Variants in FIP1L1 observed in about 807,000 individuals in gnomAD.
FIP1L1 encodes the protein factor interacting with PAPOLA and CPSF1.
A neutral mutation model predicts 84.6 loss-of-function variants in FIP1L1; 21 were observed. The ratio of observed to expected loss-of-function variants is 0.25; its 90% CI spans 0.18 to 0.36. The LOEUF is 0.36. FIP1L1 is among the 10% of genes least tolerant of loss of function. The probability of loss-of-function intolerance (pLI) is 1.00; values close to 1 mark genes in which losing one functional copy is unlikely to be tolerated. For synonymous variants in FIP1L1, 263 were observed against 242.3 expected (o/e 1.09, Z -0.80); for missense variants, 526 against 751.1 (o/e 0.70, Z 3.50).
chr4:53,434,401 G>T (rs1213589672), intron 13 of FIP1L1, among the ~76,000 whole-genome samples: 1 of 151,784 alleles, frequency 6.6e-6, no homozygotes, highest in Non-Finnish European at 1.5e-5. Context: ...GTGATATCAC[G>T]AGTTATGTGG....
chr4:53,378,028 G>C (rs941703175), intron 1 of FIP1L1, 105 bp downstream of exon 1: 1 of 1,038,398 alleles, frequency 9.6e-7, no homozygotes, highest in African/African-American at 1.7e-5. Flanking sequence ...TCGGGCCTCT[G>C]GTTGGGAGTC....
intron 13 of FIP1L1, among the ~76,000 whole-genome samples, chr4:53,430,578 C>G (rs1766205448): frequency 6.6e-6 from 1 of 152,008 alleles, no homozygotes; most frequent in Non-Finnish European, 1.5e-5. Context: ...CTCAAGCAAT[C>G]TGCCCTCCTC....
chr4:53,419,191 C>T (rs567054773), intron 11 of FIP1L1, among the ~76,000 whole-genome samples: 24 of 152,048 alleles, frequency 1.6e-4, no homozygotes, highest in Non-Finnish European at 2.6e-4. Flanking sequence ...CACTTATGTC[C>T]TCCAGTGAGT....
chr4:53,447,924 T>G (rs1032245435), intron 15 of FIP1L1, among the ~76,000 whole-genome samples: 1 of 152,084 alleles, frequency 6.6e-6, no homozygotes, highest in Non-Finnish European at 1.5e-5. Flanking sequence ...TTTCTACTGG[T>G]GGCATTGTGT....
intron 13 of FIP1L1, among the ~76,000 whole-genome samples, chr4:53,430,062 A>C (rs1333794550): frequency 6.6e-6 from 1 of 152,142 alleles, no homozygotes; most frequent in Non-Finnish European, 1.5e-5. Context: ...TATTTCACTT[A>C]GCACAGTGTC....
intron 9 of FIP1L1, among the ~76,000 whole-genome samples, chr4:53,398,770 C>CA (rs1748734148): frequency 6.6e-6 from 1 of 152,218 alleles, no homozygotes; most frequent in Middle Eastern, 3.4e-3. Context: ...GACTGGGCTA[C>CA]AATCAAAGGA....
intron 11 of FIP1L1, among the ~76,000 whole-genome samples, chr4:53,415,486 G>A (rs954740283): frequency 6.6e-6 from 1 of 150,466 alleles, no homozygotes; most frequent in African/African-American, 2.4e-5. Context: ...TATCATTTGA[G>A]GTTTTAAATA....
chr4:53,381,428 G>A lies in FIP1L1; in HGVS notation c.171-850G>A, dbSNP rs570518622. Among the ~76,000 whole-genome samples, 6 of 152,262 alleles carry A rather than the reference G, an allele frequency of 3.9e-5. No homozygotes were observed. In the South Asian group the frequency reaches 6.2e-4, roughly 16 times the overall value. ...TAAAGAAGGGATACTGTTTTGTGAC[G>A]TAGAAAGCAAATGGGACTTGCTTCT... On this transcript the variant is annotated intron_variant, in intron 3 of 17. Transcript: ENST00000337488.
intron 10 of FIP1L1, among the ~76,000 whole-genome samples, chr4:53,413,415 G>GT (rs1366789904): frequency 2.6e-5 from 4 of 151,938 alleles, no homozygotes; most frequent in African/African-American, 9.7e-5. Context: ...TTCCATGTGT[G>GT]TTTTTTAAAA....
intron 15 of FIP1L1, among the ~76,000 whole-genome samples, chr4:53,446,406 A>G (rs973987801): frequency 6.6e-6 from 1 of 152,110 alleles, no homozygotes; most frequent in African/African-American, 2.4e-5. Flanking sequence ...ATTTTTTATA[A>G]TTATCACCCT....
At chr4:53,428,711 A>C (rs183387524) in intron 13 of FIP1L1, among the ~76,000 whole-genome samples, 6 of 152,238 alleles carry the variant, frequency 3.9e-5, no homozygotes, top group Admixed American at 3.9e-4. Context: ...ATTACAATTA[A>C]AAACCAGGTT....
intron 13 of FIP1L1, among the ~76,000 whole-genome samples, chr4:53,434,427 C>T (rs1288419360): frequency 1.3e-5 from 2 of 151,462 alleles, no homozygotes; most frequent in Non-Finnish European, 2.9e-5. Flanking sequence ...GGAAACTACA[C>T]TGTAAGAGAA....
chr4:53,399,662 A>G, intron 9 of FIP1L1, 68 bp from the exon 10 acceptor site: 1 of 947,156 alleles, frequency 1.1e-6, no homozygotes, highest in Non-Finnish European at 1.7e-6. Context: ...ACTTATTTTA[A>G]CATCTAAAGT....
chr4:53,446,223 G>C (rs1390503080), intron 15 of FIP1L1, among the ~76,000 whole-genome samples: 1 of 151,178 alleles, frequency 6.6e-6, no homozygotes. Flanking sequence ...AGATATTTAA[G>C]TAGTCATAGT....
intron 10 of FIP1L1, among the ~76,000 whole-genome samples, chr4:53,413,661 G>A (rs539209968): frequency 1.3e-5 from 2 of 152,096 alleles, no homozygotes; most frequent in African/African-American, 4.8e-5. Context: ...TCTCTTTTTA[G>A]GCTAAGGGTA....
chr4:53,408,289 A>T (rs1560521473), intron 10 of FIP1L1, among the ~76,000 whole-genome samples: 1 of 152,190 alleles, frequency 6.6e-6, no homozygotes, highest in Non-Finnish European at 1.5e-5. Context: ...TCTGGGTTGA[A>T]AATTCTTTCC....
rs756494680 is a variant in FIP1L1 at position 53,444,093 on chromosome 4, A to G, written c.1275A>G (p.Pro425=). 8.7e-6 allele frequency: 14 copies of G among 1,601,194 alleles called. No individual in the cohort carries two copies. The highest frequency in any genetic ancestry group is 1.2e-5 in the Non-Finnish European group (14 of 1,168,516). Residue 425 remains proline (P), a synonymous_variant, in exon 15 of 18, where the codon CCA becomes CCG. Coordinates refer to ENST00000337488, the MANE Select transcript of FIP1L1 (RefSeq NM_030917.4). ...ATAGTCGTTCTGCACGTGCATTTCC[A>G]TATGGCAATGGTAAGTAGTATTATT... The part of the protein sequence containing the change: ...GYDSRSARAF[P]YGNVAFPHLP...
chr4:53,438,000 C>T (rs761548563), intron 13 of FIP1L1, among the ~76,000 whole-genome samples: 17 of 152,088 alleles, frequency 1.1e-4, no homozygotes, highest in East Asian at 5.8e-4. Context: ...ACTGGGATTA[C>T]GGGTGTGAGC....
intron 15 of FIP1L1, among the ~76,000 whole-genome samples, chr4:53,451,637 A>T (rs1716021563): frequency 6.8e-6 from 1 of 147,184 alleles, no homozygotes; most frequent in Admixed American, 6.8e-5. Flanking sequence ...ATGTGTAGTT[A>T]CATATAATTT....
Sources: gnomAD v4.1 joint callset for allele counts (sites outside exome capture counted in the v4.1 genomes callset) on GRCh38, gnomAD v4.1.1 for gene constraint, MANE v1.5 for transcripts, NCBI Gene and HGNC (gene_info 2026-07-23, HGNC 2026-07-21) for gene names.